Variants in QRICH1 observed in about 807,000 individuals in gnomAD.
QRICH1 encodes the protein transcriptional regulator QRICH1.
In QRICH1, 16 loss-of-function variants were observed where a neutral mutation model predicts 87.1. That is an observed-to-expected ratio of 0.18 (90% confidence interval 0.12 to 0.28). The LOEUF is 0.28. Ranked by LOEUF, QRICH1 falls within the 10% of genes least tolerant of loss-of-function variation. QRICH1 has a pLI of 1.00. For missense variants in QRICH1, 647 were observed against 951.7 expected, an observed-to-expected ratio of 0.68 and a Z score of 4.21; for synonymous variants, 367 against 368.4, an observed-to-expected ratio of 1.00 and a Z score of 0.05.
chr3:49,038,369 G>A (rs888248932), intron 6 of QRICH1, among the ~76,000 whole-genome samples: 1 of 151,022 alleles, frequency 6.6e-6, no homozygotes, highest in African/African-American at 2.4e-5. Context: ...CCTAATAAAG[G>A]GTAGATTTTA....
chr3:49,060,114 A>G (rs1184720138), intron 2 of QRICH1, among the ~76,000 whole-genome samples: 2 of 150,878 alleles, frequency 1.3e-5, no homozygotes, highest in East Asian at 3.9e-4. Flanking sequence ...TGATCTCCTG[A>G]CCTCATGATC....
rs2093410863 is a variant in QRICH1 at position 49,057,680 on chromosome 3, C to T, written c.520G>A (p.Val174Met). The change falls in exon 3 of 10, where the codon GTG becomes ATG. Residue 174 changes from valine to methionine, a missense_variant. Around this residue, in one of 7 missense-constraint regions of QRICH1, gnomAD observed 156 missense variants for 164.5 expected, o/e 0.95. Transcript: ENST00000395443. The surrounding 1 kb of genome is among the most constrained non-coding windows in gnomAD (Gnocchi z 5.4). ...LQAAQIQVQH[V>M]QAAQQIQAAE... ...GCCTGGATCTGCTGGGCTGCTTGCA[C>T]GTGCTGCACCTGGATCTGAGCTGCT... 7.4e-6 allele frequency: 12 copies of T among 1,614,224 alleles called. No individual in the cohort carries two copies. The highest frequency in any genetic ancestry group is 1.1e-5 in the South Asian group (1 of 91,080).
At chr3:49,034,500 G>A (rs2106818522) in intron 6 of QRICH1, among the ~76,000 whole-genome samples, 1 of 151,930 alleles carries the variant, frequency 6.6e-6, no homozygotes, top group South Asian at 2.1e-4. Flanking sequence ...CCAAGCTAGA[G>A]TACAGTGACA....
rs1428152191 is a variant in QRICH1, at chr3:49,086,621, T to C, written c.-22+7291A>G. 3.3e-5 allele frequency among the ~76,000 whole-genome samples: 5 copies of C among 152,232 alleles called. No individual in the cohort carries two copies. In the East Asian group the frequency reaches 7.7e-4, roughly 23 times the overall value. On this transcript the variant is annotated intron_variant, in intron 1 of 9. Transcript: ENST00000395443. ...CAATTCTTCACTACATGAGTTATTA[T>C]TTTTATTATTTTATTATTAGAACAT...
intron 1 of QRICH1, among the ~76,000 whole-genome samples, chr3:49,084,255 T>C (rs923611767): frequency 2.0e-5 from 3 of 151,576 alleles, no homozygotes; most frequent in African/African-American, 7.3e-5. Flanking sequence ...CTAAATTCTT[T>C]TTTATTTTTA....
At chr3:49,059,187 C>T (rs1202698956) in intron 2 of QRICH1, among the ~76,000 whole-genome samples, 1 of 150,102 alleles carries the variant, frequency 6.7e-6, no homozygotes, top group Non-Finnish European at 1.5e-5. Flanking sequence ...GGATGGTCTC[C>T]ATCTCCTGAC....
At chr3:49,078,386 CTTTTTTTTTTTTTTTT>C (rs60933196) in intron 1 of QRICH1, among the ~76,000 whole-genome samples, 13 of 69,826 alleles carry the variant, frequency 1.9e-4, no homozygotes, top group African/African-American at 7.2e-4. Context: ...ATTATGGTTC[CTTTTTTTTTTTTTTTT>C]TTTTTTTTTT....
chr3:49,035,917 A>C (rs1376421970), intron 6 of QRICH1, among the ~76,000 whole-genome samples: 3 of 84,002 alleles, frequency 3.6e-5, no homozygotes, highest in African/African-American at 1.1e-4. Context: ...TCTACAAAAA[A>C]AAAAAAAAAA....
chr3:49,062,689 T>C (rs2093442298), intron 2 of QRICH1, among the ~76,000 whole-genome samples: 1 of 150,188 alleles, frequency 6.7e-6, no homozygotes, highest in Non-Finnish European at 1.5e-5. Context: ...AACTTATATC[T>C]CAATAAAGCT....
chr3:49,032,108 G>A lies in QRICH1; in HGVS notation c.2138+75C>T. The A allele has an allele frequency of 2.5e-6, 3 of 1,202,204 alleles. No individual in the cohort carries two copies. The South Asian group carries it at 3.7e-5, about 15-fold the overall frequency. The allele number at this position is 1,202,204 out of a possible 1,614,324, so 74.5% of individuals were successfully genotyped here. ...AGAATGCCTCTCCCCTATGATAAGT[G>A]ATCACACAAGTGAGCATGCACACGC... On this transcript the variant is annotated intron_variant, in intron 9 of 9. Coordinates refer to ENST00000395443, the MANE Select transcript of QRICH1 (RefSeq NM_198880.3).
intron 2 of QRICH1, among the ~76,000 whole-genome samples, chr3:49,064,811 G>A (rs2093457646): frequency 6.6e-6 from 1 of 152,128 alleles, no homozygotes; most frequent in South Asian, 2.1e-4. Context: ...AAGGTCAGGA[G>A]TTCGAGACCC....
chr3:49,081,267 A>C (rs2107006623), intron 1 of QRICH1, among the ~76,000 whole-genome samples: 1 of 152,196 alleles, frequency 6.6e-6, no homozygotes, highest in Middle Eastern at 3.4e-3. Context: ...AAATATAAAA[A>C]TTAGCCGGGC....
chr3:49,059,978 C>T (rs1185062105), intron 2 of QRICH1, among the ~76,000 whole-genome samples: 4 of 150,096 alleles, frequency 2.7e-5, no homozygotes, highest in South Asian at 2.1e-4. Flanking sequence ...TCCACTTCCC[C>T]GGTTCAAGCG....
At chr3:49,039,618 CAAAAAAAAAA>C (rs899570014) in intron 6 of QRICH1, among the ~76,000 whole-genome samples, 1 of 16,352 alleles carries the variant, frequency 6.1e-5, no homozygotes, top group Non-Finnish European at 1.3e-4. Flanking sequence ...GACTCCATCT[CAAAAAAAAAA>C]AAAAAAAAAA....
intron 6 of QRICH1, among the ~76,000 whole-genome samples, chr3:49,038,464 G>A (rs1426743794): frequency 6.6e-6 from 1 of 151,814 alleles, no homozygotes; most frequent in East Asian, 1.9e-4. Context: ...CTGGGCTGGA[G>A]TGCAATGGTG....
chr3:49,089,306 C>T (rs2042228810), intron 1 of QRICH1, among the ~76,000 whole-genome samples: 1 of 152,068 alleles, frequency 6.6e-6, no homozygotes, highest in Admixed American at 6.6e-5. Flanking sequence ...GTGATCCGCC[C>T]GCATTGGCCT....
intron 6 of QRICH1, among the ~76,000 whole-genome samples, chr3:49,039,227 C>A (rs1337963592): frequency 6.6e-6 from 1 of 150,792 alleles, no homozygotes; most frequent in African/African-American, 2.4e-5. Context: ...TGTTGTGGCA[C>A]ATGCCTGTAA....
intron 2 of QRICH1, among the ~76,000 whole-genome samples, chr3:49,059,086 C>T (rs1393886217): frequency 3.3e-5 from 5 of 150,968 alleles, no homozygotes; most frequent in Admixed American, 6.6e-5. Context: ...CTCAGCCTCC[C>T]GGGTAGCTGG....
intron 6 of QRICH1, among the ~76,000 whole-genome samples, chr3:49,034,202 G>T (rs1313229177): frequency 6.6e-6 from 1 of 151,498 alleles, no homozygotes; most frequent in Non-Finnish European, 1.5e-5. Flanking sequence ...GAGAACTTTG[G>T]GAGGCGGAGG....
Sources: allele counts gnomAD v4.1 joint callset (sites outside exome capture counted in the v4.1 genomes callset), GRCh38; gene constraint gnomAD v4.1.1; regional missense constraint gnomAD v4.1.1; non-coding constraint Gnocchi (gnomAD v3.1); transcripts MANE v1.5; gene names NCBI Gene and HGNC (gene_info 2026-07-23, HGNC 2026-07-21).